The following MCC variants were observed in gnomAD, a reference collection of about 807,000 sequenced individuals.
MCC encodes the protein MCC regulator of Wnt signaling pathway, also known as colorectal mutant cancer protein.
MCC carries 90 observed loss-of-function variants against 116.2 expected under a neutral mutation model. The ratio of observed to expected loss-of-function variants is 0.77; its 90% CI spans 0.65 to 0.92. MCC has a LOEUF of 0.92. MCC is among the 40% of genes least tolerant of loss of function. The pLI is 0.00. For synonymous variants in MCC, 578 were observed against 510.5 expected (o/e 1.13, Z -1.78); for missense variants, 1,516 against 1,312.2 (o/e 1.16, Z -2.40).
chr5:113,080,276 C>T (rs1186069739), intron 11 of MCC, among the ~76,000 whole-genome samples: 1 of 152,172 alleles, frequency 6.6e-6, no homozygotes, highest in Non-Finnish European at 1.5e-5. Flanking sequence ...CTAGAAATAC[C>T]ATTTGACCCA....
At chr5:113,241,240 C>T (rs1038539581) in intron 3 of MCC, among the ~76,000 whole-genome samples, 2 of 152,170 alleles carry the variant, frequency 1.3e-5, no homozygotes, top group Admixed American at 1.3e-4. Flanking sequence ...CTCACCTTTC[C>T]TTTCCAACAA....
intron 3 of MCC, among the ~76,000 whole-genome samples, chr5:113,298,756 T>G (rs1246792120): frequency 2.0e-5 from 3 of 152,160 alleles, no homozygotes; most frequent in Admixed American, 2.0e-4. Flanking sequence ...GTGTACACAG[T>G]AGGGAAGACA....
intron 14 of MCC, among the ~76,000 whole-genome samples, chr5:113,060,032 G>C (rs1318729951): frequency 1.3e-5 from 2 of 152,226 alleles, no homozygotes; most frequent in Non-Finnish European, 2.9e-5. Flanking sequence ...TGGAAGGCTA[G>C]AAGGACATTT....
chr5:113,246,147 A>G (rs1764567124), intron 3 of MCC, among the ~76,000 whole-genome samples: 1 of 152,244 alleles, frequency 6.6e-6, no homozygotes, highest in African/African-American at 2.4e-5. Context: ...TGGAAGGACA[A>G]GAGCCTGTAG....
chr5:113,151,386 T>C lies in MCC; in HGVS notation c.664A>G (p.Ile222Val), dbSNP rs1242465103. Residue 222 changes from isoleucine to valine, a missense_variant, in exon 4 of 19, where the codon ATA (isoleucine) becomes GTA (valine). Ile to Val is a conservative substitution (Grantham distance 29). Coordinates refer to ENST00000408903, the MANE Select transcript of MCC (RefSeq NM_001085377.2). ...TGGAGACGTTTATTAAGTTCCACTA[T>C]ATCTCCCTTTAGTGATGCCAGGGCT... ...SAALASLKGDIVELNKRLQQT... is the reference protein window; with the variant it reads ...SAALASLKGDVVELNKRLQQT... 3.7e-6 allele frequency: 6 copies of C among 1,613,254 alleles called. No individual in the cohort carries two copies. The highest frequency in any genetic ancestry group is 1.1e-5 in the South Asian group (1 of 90,948).
At chr5:113,049,413 G>T in intron 15 of MCC, 114 bp from the exon 16 acceptor site, 1 of 811,060 alleles carries the variant, frequency 1.2e-6, no homozygotes, top group African/African-American at 1.7e-5. Context: ...GCCCATGGTA[G>T]AGTTCTCACT....
chr5:113,049,245 C>T lies in MCC; in HGVS notation c.2503G>A (p.Ala835Thr). Residue 835 changes from alanine (A) to threonine (T), a missense_variant, in exon 16 of 19, where the codon GCC becomes ACC. Transcript: ENST00000408903. Reference sequence around the variant, plus strand: ...CGCGTGCTCAGCTTCAGCTCCAGGGCCTTCTTCTCTTTCTCCAGTAGGTAG... The same window carrying T: ...CGCGTGCTCAGCTTCAGCTCCAGGGTCTTCTTCTCTTTCTCCAGTAGGTAG... The part of the protein sequence containing the change: ...QLYLLEKEKK[A>T]LELKLSTREA... The T allele has an allele frequency of 6.2e-7, 1 of 1,613,076 alleles. No homozygotes were observed. The highest frequency in any genetic ancestry group is 1.7e-4 in the Middle Eastern group (1 of 6,060).
chr5:113,190,608 CCAAA>C (rs1478923319), intron 3 of MCC, among the ~76,000 whole-genome samples: 2 of 152,100 alleles, frequency 1.3e-5, no homozygotes, highest in African/African-American at 4.8e-5. Context: ...GCTGAAAAAA[CCAAA>C]CAGACAAAAC....
intron 3 of MCC, among the ~76,000 whole-genome samples, chr5:113,171,991 T>C (rs1212108561): frequency 6.6e-6 from 1 of 152,150 alleles, no homozygotes; most frequent in Non-Finnish European, 1.5e-5. Context: ...GCTATCCAAA[T>C]GTTGACTGAC....
At chr5:113,101,637 C>G in intron 8 of MCC, 102 bp downstream of exon 8, 1 of 1,245,722 alleles carries the variant, frequency 8.0e-7, no homozygotes, top group Non-Finnish European at 1.1e-6. Flanking sequence ...CCCAAAATTA[C>G]AAATGCCACA....
rs113270756 is a variant in MCC at position 113,106,483 on chromosome 5, T to C, written c.1028-2128A>G. Among the ~76,000 whole-genome samples the C allele has an allele frequency of 5.3e-5, 8 of 152,300 alleles. 2 individuals carry two copies. Among genetic ancestry groups the C allele is most frequent in the African/African-American group, 1.9e-4 (8 of 41,558 alleles). The stretch of plus-strand genomic sequence containing the variant: ...GCCAAACTCCTGTCTGCTCCACAGG[T>C]TCCTTTCCTTTGCTGTTTCCTTTGT... On this transcript the variant is annotated intron_variant, in intron 6 of 18. Transcript: ENST00000408903.
chr5:113,485,300 A>C (rs1258801010), intron 1 of MCC, among the ~76,000 whole-genome samples: 1 of 152,166 alleles, frequency 6.6e-6, no homozygotes, highest in Non-Finnish European at 1.5e-5. Flanking sequence ...ATATACTTGA[A>C]TGTGGATTAT....
At chr5:113,312,662 C>T (rs1008604133) in intron 3 of MCC, among the ~76,000 whole-genome samples, 40 of 152,094 alleles carry the variant, frequency 2.6e-4, no homozygotes, top group African/African-American at 9.7e-4. Flanking sequence ...AAGACTTGAT[C>T]CAAAGAACTA....
chr5:113,039,732 C>T (rs1030434692), intron 17 of MCC, among the ~76,000 whole-genome samples: 10 of 149,974 alleles, frequency 6.7e-5, no homozygotes, highest in African/African-American at 2.5e-4. Flanking sequence ...CAACCCACCC[C>T]AGGATCACAT....
intron 3 of MCC, among the ~76,000 whole-genome samples, chr5:113,264,100 T>G (rs79977600): frequency 6.6e-6 from 1 of 152,192 alleles, no homozygotes; most frequent in African/African-American, 2.4e-5. Flanking sequence ...CCGAAAGATA[T>G]GATTTTTCAG....
chr5:113,040,122 T>C (rs1391958595), intron 17 of MCC, among the ~76,000 whole-genome samples: 1 of 151,762 alleles, frequency 6.6e-6, no homozygotes, highest in Non-Finnish European at 1.5e-5. Context: ...CTGCAATAAA[T>C]GTTCACCGAA....
chr5:113,430,664 A>C (rs1036080003), intron 1 of MCC, among the ~76,000 whole-genome samples: 2 of 152,168 alleles, frequency 1.3e-5, no homozygotes, highest in Non-Finnish European at 2.9e-5. Flanking sequence ...AAGAATCAAG[A>C]GGTCTTGCCA....
At chr5:113,098,824 CCCAA>C (rs1756212274) in intron 8 of MCC, among the ~76,000 whole-genome samples, 5 of 152,008 alleles carry the variant, frequency 3.3e-5, no homozygotes, top group Admixed American at 2.6e-4. Flanking sequence ...AGAAAGTGGC[CCCAA>C]TTGCTCGTCA....
At chr5:113,236,141 G>A (rs1764121631) in intron 3 of MCC, among the ~76,000 whole-genome samples, 1 of 147,940 alleles carries the variant, frequency 6.8e-6, no homozygotes, top group South Asian at 2.1e-4. Flanking sequence ...TCTGCAGAAT[G>A]AGTCACACTC....
Sources: gnomAD v4.1 joint callset for allele counts (sites outside exome capture counted in the v4.1 genomes callset) on GRCh38, gnomAD v4.1.1 for gene constraint, MANE v1.5 for transcripts, NCBI Gene and HGNC (gene_info 2026-07-23, HGNC 2026-07-21) for gene names.